AKAP12: variants seen among roughly 807,000 people sequenced by gnomAD.
The protein encoded by AKAP12 is A-kinase anchoring protein 12, also known as A-kinase anchor protein 12.
Under a neutral mutation model 79.9 loss-of-function variants are expected in AKAP12, and 32 were observed. The observed-to-expected ratio is 0.40, with a 90% CI of 0.30 to 0.54. AKAP12 has a LOEUF of 0.54. Among genes scored for constraint, AKAP12 ranks in the 20% least tolerant of loss-of-function variants. The pLI, the probability that AKAP12 is intolerant of heterozygous loss-of-function variation, is 0.48. For missense variants in AKAP12, 2,074 were observed against 2,177.0 expected (o/e 0.95, Z 0.94); for synonymous variants, 808 against 857.0 (o/e 0.94, Z 1.00).
At chr6:151,259,265 C>G (rs1008880813) in intron 2 of AKAP12, among the ~76,000 whole-genome samples, 10 of 151,434 alleles carry the variant, frequency 6.6e-5, no homozygotes, top group Admixed American at 2.0e-4. Context: ...GGGCTGATCT[C>G]AAATTCCTGA....
rs1340873398 is a variant in AKAP12, at chr6:151,351,480, C to T, written c.3089C>T (p.Pro1030Leu). Reference sequence around the variant, plus strand: ...GTGCAGGAGGTGGAAGGTGGCGTACCTGACATAGAAGAGCAAGAGAGGCGG... The same window carrying T: ...GTGCAGGAGGTGGAAGGTGGCGTACTTGACATAGAAGAGCAAGAGAGGCGG... ...TPVQEVEGGV[P>L]DIEEQERRTQ... Residue 1030 changes from proline (P) to leucine (L), a missense_variant, in exon 4 of 5, where the codon CCT becomes CTT. Coordinates refer to ENST00000402676, the MANE Select transcript of AKAP12 (RefSeq NM_005100.4). The surrounding 1 kb of genome is among the most constrained non-coding windows in gnomAD (Gnocchi z 4.4). The T allele has an allele frequency of 6.2e-7, 1 of 1,614,162 alleles. No individual in the cohort carries two copies. The highest frequency in any genetic ancestry group is 8.5e-7 in the Non-Finnish European group (1 of 1,180,028).
At chr6:151,269,927 A>G (rs1013934959) in intron 2 of AKAP12, among the ~76,000 whole-genome samples, 16 of 152,110 alleles carry the variant, frequency 1.1e-4, no homozygotes, top group African/African-American at 3.9e-4. Context: ...CTGTCTCTCT[A>G]TGGATTTGCC....
At chr6:151,263,567 ATTTTC>A (rs1038311955) in intron 2 of AKAP12, among the ~76,000 whole-genome samples, 1 of 150,852 alleles carries the variant, frequency 6.6e-6, no homozygotes, top group Non-Finnish European at 1.5e-5. Context: ...CTCTTGAGAG[ATTTTC>A]TTTTCTTTTC....
At chr6:151,293,140 A>G (rs533423225) in intron 2 of AKAP12, among the ~76,000 whole-genome samples, 3 of 152,348 alleles carry the variant, frequency 2.0e-5, no homozygotes, top group South Asian at 4.1e-4. Context: ...ATTTCAAAAC[A>G]TTTGGTATTA....
chr6:151,309,228 G>C (rs1238026282), intron 3 of AKAP12, among the ~76,000 whole-genome samples: 1 of 152,158 alleles, frequency 6.6e-6, no homozygotes, highest in African/African-American at 2.4e-5. Context: ...CTATATGACA[G>C]TTTGCTGTAG....
intron 2 of AKAP12, among the ~76,000 whole-genome samples, chr6:151,256,947 C>A (rs1562709058): frequency 1.7e-5 from 1 of 60,372 alleles, no homozygotes; most frequent in Non-Finnish European, 3.1e-5. Context: ...CCGCGCCCGG[C>A]CTATATATAT....
intron 3 of AKAP12, among the ~76,000 whole-genome samples, chr6:151,313,266 T>C (rs1480022756): frequency 6.6e-6 from 1 of 152,208 alleles, no homozygotes; most frequent in African/African-American, 2.4e-5. Context: ...AGTAACGCTA[T>C]CAAACACAAG....
chr6:151,300,941 C>A (rs151189419), intron 2 of AKAP12, among the ~76,000 whole-genome samples: 1 of 152,232 alleles, frequency 6.6e-6, no homozygotes, highest in African/African-American at 2.4e-5. Flanking sequence ...AAGTCTAGTT[C>A]TCATCTCAAA....
chr6:151,339,817 A>G (rs1777902650), intron 3 of AKAP12, among the ~76,000 whole-genome samples: 1 of 152,138 alleles, frequency 6.6e-6, no homozygotes. Context: ...TCAGAATGTC[A>G]TATAGTTGGA....
At chr6:151,354,388 T>A (rs1391165281) in intron 4 of AKAP12, among the ~76,000 whole-genome samples, 2 of 146,966 alleles carry the variant, frequency 1.4e-5, no homozygotes, top group Non-Finnish European at 3.0e-5. Context: ...TGTTTTGTTT[T>A]CTTGAGACGG....
intron 2 of AKAP12, among the ~76,000 whole-genome samples, chr6:151,296,466 T>A (rs1458656308): frequency 6.6e-6 from 1 of 152,206 alleles, no homozygotes; most frequent in African/African-American, 2.4e-5. Flanking sequence ...GTGCTTACTA[T>A]ATATCTTGAG....
At chr6:151,304,488 C>CCAAAAA (rs1776931681) in intron 2 of AKAP12, among the ~76,000 whole-genome samples, 1 of 45,958 alleles carries the variant, frequency 2.2e-5, no homozygotes, top group African/African-American at 5.3e-5. Flanking sequence ...CACTCCATCT[C>CCAAAAA]AAAAAAAAAA....
chr6:151,253,929 C>T (rs1049363587), intron 2 of AKAP12, among the ~76,000 whole-genome samples: 28 of 151,926 alleles, frequency 1.8e-4, no homozygotes, highest in African/African-American at 6.8e-4. Context: ...GGCTGGTCTC[C>T]AACTCCTGAC....
At chr6:151,297,856 G>A (rs1265756818) in intron 2 of AKAP12, among the ~76,000 whole-genome samples, 1 of 152,130 alleles carries the variant, frequency 6.6e-6, no homozygotes, top group African/African-American at 2.4e-5. Flanking sequence ...AAAGGTGACC[G>A]TAGTGTGAGA....
At chr6:151,279,296 G>C (rs1015194455) in intron 2 of AKAP12, among the ~76,000 whole-genome samples, 5 of 152,088 alleles carry the variant, frequency 3.3e-5, no homozygotes, top group Non-Finnish European at 7.4e-5. Flanking sequence ...CTCTGGCATG[G>C]TTTCTAATCC....
intron 2 of AKAP12, among the ~76,000 whole-genome samples, chr6:151,285,806 T>G (rs1776493401): frequency 4.1e-5 from 1 of 24,684 alleles, no homozygotes; most frequent in Admixed American, 6.2e-4. Context: ...TAAGTCAGTA[T>G]TTGGTTCAAA....
At chr6:151,285,157 G>A (rs926966745) in intron 2 of AKAP12, among the ~76,000 whole-genome samples, 2 of 152,152 alleles carry the variant, frequency 1.3e-5, no homozygotes, top group African/African-American at 4.8e-5. Flanking sequence ...ACATATCAAA[G>A]CAAATATATT....
Position 151,240,473 on chromosome 6 carries a change from G to C in AKAP12, c.-90G>C, listed in dbSNP as rs1425211487. 7.7e-7 allele frequency: 1 copy of C among 1,296,264 alleles called. No homozygotes were observed. The highest frequency in any genetic ancestry group is 9.8e-7 in the Non-Finnish European group (1 of 1,019,096). The allele number at this position is 1,296,264 out of a possible 1,614,324, so 80.3% of individuals were successfully genotyped here. A position where few individuals can be genotyped will look rare whatever the true frequency, so the allele number is the denominator to read the frequency against. Reference sequence around the variant, plus strand: ...AAGGAAGGCGCTCTCGGGACCTCGCGGGCGCGCGTCTTTTGGCTCTTGCCC... The same window carrying C: ...AAGGAAGGCGCTCTCGGGACCTCGCCGGCGCGCGTCTTTTGGCTCTTGCCC... On this transcript the variant is annotated 5_prime_UTR_variant, in exon 2 of 5. Coordinates refer to ENST00000402676, the MANE Select transcript of AKAP12 (RefSeq NM_005100.4).
At chr6:151,341,364 T>G (rs1204388479) in intron 3 of AKAP12, among the ~76,000 whole-genome samples, 1 of 152,088 alleles carries the variant, frequency 6.6e-6, no homozygotes, top group Non-Finnish European at 1.5e-5. Context: ...TCGAGGCCCT[T>G]TTTCTTTTAA....
Sources: gnomAD v4.1 joint callset for allele counts (sites outside exome capture counted in the v4.1 genomes callset) on GRCh38, gnomAD v4.1.1 for gene constraint, Gnocchi (gnomAD v3.1) non-coding constraint, MANE v1.5 for transcripts, NCBI Gene and HGNC (gene_info 2026-07-23, HGNC 2026-07-21) for gene names.